Variants in ADCY5 observed in about 807,000 individuals in gnomAD.
ADCY5 encodes adenylate cyclase 5, also known as adenylate cyclase type 5.
A neutral mutation model predicts 119.7 loss-of-function variants in ADCY5; 30 were observed. That is an observed-to-expected ratio of 0.25 (90% CI 0.19 to 0.34). The LOEUF (loss-of-function observed/expected upper bound fraction) is 0.34, where lower values mean the gene tolerates loss of function less well. Ranked by LOEUF, ADCY5 falls within the 10% of genes least tolerant of loss-of-function variation. ADCY5 has a pLI of 1.00. For missense variants in ADCY5, 1,324 were observed against 1,775.2 expected, an observed-to-expected ratio of 0.75 and a Z score of 4.57; for synonymous variants, 753 against 762.2, an observed-to-expected ratio of 0.99 and a Z score of 0.20.
At position 123,291,359 on chromosome 3, in the gene ADCY5, C is replaced by T; in HGVS notation, c.3081G>A (p.Glu1027=). The change falls in exon 18 of 21, where the codon GAG becomes GAA. Residue 1027 remains glutamate, a synonymous_variant. Coordinates refer to ENST00000462833, the MANE Select transcript of ADCY5 (RefSeq NM_183357.3). ...LWKLQATEEK[E]EMEELQAYNR... is the part of the protein sequence containing the mutation. ...TGTAGGCCTGCAGCTCCTCCATCTC[C>T]TCTTTCTCCTCTGTGGCCTGAGAGA... 6.2e-7 allele frequency: 1 copy of T among 1,612,728 alleles called. No homozygotes were observed. The highest frequency in any genetic ancestry group is 8.5e-7 in the Non-Finnish European group (1 of 1,179,012).
chr3:123,331,168 T>TG, intron 4 of ADCY5, 152 bp from the exon 5 acceptor site: 1 of 793,706 alleles, frequency 1.3e-6, no homozygotes, highest in Non-Finnish European at 2.0e-6. Flanking sequence ...GGCATGGTCC[T>TG]GGGACAGGCT....
intron 9 of ADCY5, 32 bp downstream of exon 9, chr3:123,320,717 G>A: frequency 6.2e-7 from 1 of 1,611,892 alleles, no homozygotes; most frequent in Non-Finnish European, 8.5e-7. Flanking sequence ...CCAGACCCAG[G>A]GAGCAGGAAT....
rs565523585 is a variant in ADCY5, at chr3:123,309,877, C to T, written c.2442+4358G>A. The stretch of plus-strand genomic sequence containing the variant: ...CCCTATTTTAGAAACTGTGGACCAG[C>T]AGTTGAGTTGGAGTGGTAGAAAGGA... On this transcript the variant is annotated intron_variant, in intron 12 of 20. Coordinates refer to ENST00000462833, the MANE Select transcript of ADCY5 (RefSeq NM_183357.3). Among the ~76,000 whole-genome samples, 110 of 152,146 alleles carry T rather than the reference C, an allele frequency of 7.2e-4. 1 individual carries two copies. The highest frequency in any genetic ancestry group is 1.2e-3 in the Non-Finnish European group (84 of 67,996).
chr3:123,364,475 T>C (rs1303088533), intron 1 of ADCY5, among the ~76,000 whole-genome samples: 1 of 152,030 alleles, frequency 6.6e-6, no homozygotes, highest in Non-Finnish European at 1.5e-5. Flanking sequence ...TGGAGGGGCA[T>C]ACAGATGATG....
In ADCY5 at chr3:123,378,059, C is replaced by T. The variant is rs115070940; in HGVS notation, c.1135-25478G>A. Among the ~76,000 whole-genome samples, 348 of 152,126 alleles carry T rather than the reference C, an allele frequency of 2.3e-3. 1 individual carries two copies. The highest frequency in any genetic ancestry group is 8.1e-3 in the African/African-American group (336 of 41,492). On this transcript the variant is annotated intron_variant, in intron 1 of 20. Coordinates refer to ENST00000462833, the MANE Select transcript of ADCY5 (RefSeq NM_183357.3). The stretch of plus-strand genomic sequence containing the variant: ...CAAAGCTTTAAGTAAAAGCACTCAA[C>T]CAAAGCTTCTGAACAAAGCTAATAA...
chr3:123,317,372 GGAA>G (rs1220315858), intron 11 of ADCY5, among the ~76,000 whole-genome samples: 1 of 151,414 alleles, frequency 6.6e-6, no homozygotes, highest in Non-Finnish European at 1.5e-5. Context: ...AGCAGCCCAG[GGAA>G]TACTTTGGGT....
intron 1 of ADCY5, among the ~76,000 whole-genome samples, chr3:123,359,739 A>G (rs1943180576): frequency 6.6e-6 from 1 of 152,212 alleles, no homozygotes; most frequent in Non-Finnish European, 1.5e-5. Context: ...TCTCTCCCGC[A>G]AAGTGTCCCC....
intron 3 of ADCY5, among the ~76,000 whole-genome samples, chr3:123,345,178 C>T (rs1942471240): frequency 6.6e-6 from 1 of 152,212 alleles, no homozygotes; most frequent in Non-Finnish European, 1.5e-5. Context: ...GACCAAACAC[C>T]CTTGCTGGAG....
chr3:123,398,332 G>A (rs754718859), intron 1 of ADCY5, among the ~76,000 whole-genome samples: 33 of 152,204 alleles, frequency 2.2e-4, no homozygotes, highest in South Asian at 8.3e-4. Flanking sequence ...AACTCGAACC[G>A]GTCACACACA....
chr3:123,411,511 C>T (rs1251294123), intron 1 of ADCY5, among the ~76,000 whole-genome samples: 1 of 152,174 alleles, frequency 6.6e-6, no homozygotes, highest in Non-Finnish European at 1.5e-5. Flanking sequence ...GCTGACTCAG[C>T]CTGAGGGGAC....
intron 1 of ADCY5, among the ~76,000 whole-genome samples, chr3:123,397,961 G>A (rs181900635): frequency 6.6e-6 from 1 of 152,318 alleles, no homozygotes; most frequent in East Asian, 1.9e-4. Flanking sequence ...AGAAGAGCAA[G>A]AAGGGAAATT....
chr3:123,379,107 A>ACTGGC (rs1204562407), intron 1 of ADCY5, among the ~76,000 whole-genome samples: 2 of 152,208 alleles, frequency 1.3e-5, no homozygotes, highest in East Asian at 3.9e-4. Context: ...AGTCCTGGGG[A>ACTGGC]CTGGCCATGG....
intron 4 of ADCY5, 53 bp from the exon 5 acceptor site, chr3:123,331,069 A>T: frequency 6.4e-7 from 1 of 1,567,984 alleles, no homozygotes; most frequent in Non-Finnish European, 8.7e-7. Flanking sequence ...GAGAAGTGGG[A>T]GGGAAAGAAA....
chr3:123,286,721 G>A lies in ADCY5; in HGVS notation c.3621C>T (p.Ser1207=), dbSNP rs775516514. ...DIWGNTVNVA[S]RMDSTGVPDR... ...CGGGTACACCGGTGCTGTCCATGCG[G>A]CTGGCCACGTTCACGGTATTGCCCC... Residue 1207 remains serine (S), a synonymous_variant, in exon 20 of 21, where the codon AGC becomes AGT. Coordinates refer to ENST00000462833, the MANE Select transcript of ADCY5 (RefSeq NM_183357.3). The surrounding 1 kb of genome is among the most constrained non-coding windows in gnomAD (Gnocchi z 4.2). The A allele has an allele frequency of 6.2e-7, 1 of 1,613,480 alleles. No homozygotes were observed. Among genetic ancestry groups the A allele is most frequent in the Non-Finnish European group, 8.5e-7 (1 of 1,179,728 alleles).
intron 1 of ADCY5, among the ~76,000 whole-genome samples, chr3:123,383,861 A>G (rs1944119853): frequency 6.6e-6 from 1 of 151,582 alleles, no homozygotes; most frequent in Non-Finnish European, 1.5e-5. Context: ...AGGCACGCAC[A>G]CACACACACA....
At chr3:123,395,851 C>A (rs1944525895) in intron 1 of ADCY5, among the ~76,000 whole-genome samples, 1 of 149,396 alleles carries the variant, frequency 6.7e-6, no homozygotes, top group Non-Finnish European at 1.5e-5. Context: ...CCCCTGCACT[C>A]CAGACTGGGA....
At chr3:123,426,534 G>A (rs1945418145) in intron 1 of ADCY5, among the ~76,000 whole-genome samples, 1 of 151,782 alleles carries the variant, frequency 6.6e-6, no homozygotes, top group Non-Finnish European at 1.5e-5. Flanking sequence ...CCACATTGGC[G>A]CAGGCTGGTC....
chr3:123,433,609 G>A (rs1447916261), intron 1 of ADCY5, among the ~76,000 whole-genome samples: 1 of 152,180 alleles, frequency 6.6e-6, no homozygotes, highest in Non-Finnish European at 1.5e-5. Flanking sequence ...TGTTGATGGT[G>A]CTGGGGAACT....
intron 1 of ADCY5, among the ~76,000 whole-genome samples, chr3:123,357,167 TG>T (rs1168300867): frequency 6.6e-6 from 1 of 152,142 alleles, no homozygotes; most frequent in Non-Finnish European, 1.5e-5. Flanking sequence ...ATTACACATC[TG>T]TATGCATTTG....
Sources: allele counts gnomAD v4.1 joint callset (sites outside exome capture counted in the v4.1 genomes callset), GRCh38; gene constraint gnomAD v4.1.1; non-coding constraint Gnocchi (gnomAD v3.1); transcripts MANE v1.5; gene names NCBI Gene and HGNC (gene_info 2026-07-23, HGNC 2026-07-21).